SIPA1L1: variants seen among roughly 807,000 people sequenced by gnomAD.
The protein encoded by SIPA1L1 is signal induced proliferation associated 1 like 1.
Under a neutral mutation model 162.7 loss-of-function variants are expected in SIPA1L1, and 26 were observed. The ratio of observed to expected loss-of-function variants is 0.16; its 90% CI spans 0.12 to 0.22. The LOEUF is 0.22. Ranked by LOEUF, SIPA1L1 falls within the 10% of genes least tolerant of loss-of-function variation. The pLI is 1.00. For synonymous variants in SIPA1L1, 829 were observed against 837.4 expected (o/e 0.99, Z 0.17); for missense variants, 1,874 against 2,241.0 (o/e 0.84, Z 3.31).
intron 7 of SIPA1L1, among the ~76,000 whole-genome samples, chr14:71,636,155 G>C (rs2041126410): frequency 6.6e-6 from 1 of 152,144 alleles, no homozygotes; most frequent in Non-Finnish European, 1.5e-5. Flanking sequence ...AGGAAAACTA[G>C]ACAGAAAATC....
chr14:71,347,170 A>T (rs1439713325), intron 2 of SIPA1L1, among the ~76,000 whole-genome samples: 1 of 151,148 alleles, frequency 6.6e-6, no homozygotes, highest in Non-Finnish European at 1.5e-5. Flanking sequence ...CGCGTTGGCC[A>T]GGCTGGTCTT....
In SIPA1L1 at chr14:71,396,451, A is replaced by G. The variant is rs576125349; in HGVS notation, c.-465+75270A>G. ...CTAATTTTTATGCTCCTGGCCAACTATTGTCCCCTGTTTGTTCATTTACCC... is the reference window on the plus strand; with the variant it reads ...CTAATTTTTATGCTCCTGGCCAACTGTTGTCCCCTGTTTGTTCATTTACCC... On this transcript the variant is annotated intron_variant, in intron 2 of 23. Transcript: ENST00000381232. 4.6e-5 allele frequency among the ~76,000 whole-genome samples: 7 copies of G among 152,004 alleles called. No homozygotes were observed. The East Asian group carries it at 7.7e-4, about 17-fold the overall frequency.
At chr14:71,389,453 A>G (rs2040584468) in intron 2 of SIPA1L1, among the ~76,000 whole-genome samples, 3 of 152,196 alleles carry the variant, frequency 2.0e-5, no homozygotes, top group Non-Finnish European at 4.4e-5. Flanking sequence ...TCTTTTACTT[A>G]TATTTGAATT....
intron 2 of SIPA1L1, among the ~76,000 whole-genome samples, chr14:71,453,475 G>A (rs929627755): frequency 6.6e-6 from 1 of 152,104 alleles, no homozygotes; most frequent in African/African-American, 2.4e-5. Flanking sequence ...GTGCTGCCCA[G>A]GCTGCATCGT....
chr14:71,691,441 A>T (rs1479895603), intron 13 of SIPA1L1, among the ~76,000 whole-genome samples: 1 of 152,160 alleles, frequency 6.6e-6, no homozygotes, highest in Non-Finnish European at 1.5e-5. Context: ...AAAATAAAAA[A>T]AAATTAGCCA....
At chr14:71,554,356 G>A (rs1334521463) in intron 4 of SIPA1L1, among the ~76,000 whole-genome samples, 1 of 141,326 alleles carries the variant, frequency 7.1e-6, no homozygotes, top group African/African-American at 2.7e-5. Flanking sequence ...TTAAAATCGT[G>A]CAACTTAAAC....
intron 14 of SIPA1L1, among the ~76,000 whole-genome samples, chr14:71,700,854 T>C (rs958924775): frequency 6.0e-5 from 9 of 150,748 alleles, no homozygotes; most frequent in South Asian, 2.1e-4. Context: ...ATTAGCTGGG[T>C]GTGGTGGCGG....
rs865890345 is a variant in SIPA1L1, at chr14:71,502,259, T to A, written c.-464-10484T>A. 7.5e-3 allele frequency among the ~76,000 whole-genome samples: 952 copies of A among 127,068 alleles called. 6 individuals are homozygous for A. Among genetic ancestry groups the A allele is most frequent in the Non-Finnish European group, 0.011 (650 of 57,302 alleles). The allele number at this position is 127,068 out of a possible 152,430, so 83.4% of individuals were successfully genotyped here. A position where few individuals can be genotyped will look rare whatever the true frequency, so the allele number is the denominator to read the frequency against. On this transcript the variant is annotated intron_variant, in intron 2 of 23. Coordinates refer to ENST00000381232, the MANE Select transcript of SIPA1L1 (RefSeq NM_001386936.1). ...AGATACTTGAAAAAAAAAAAAAATA[T>A]ATATATATATATATATATATTTGAG... is the stretch of plus-strand genomic sequence containing the variant.
At chr14:71,696,891 T>G (rs1038217566) in intron 13 of SIPA1L1, among the ~76,000 whole-genome samples, 1 of 152,184 alleles carries the variant, frequency 6.6e-6, no homozygotes, top group Non-Finnish European at 1.5e-5. Flanking sequence ...TTTATGTGAG[T>G]AGCAAAGGAA....
chr14:71,708,274 G>T (rs1262037044), intron 16 of SIPA1L1, among the ~76,000 whole-genome samples: 1 of 149,164 alleles, frequency 6.7e-6, no homozygotes. Context: ...TTGATCATTT[G>T]TGAGTTTATT....
chr14:71,408,982 A>G (rs1055071309), intron 2 of SIPA1L1, among the ~76,000 whole-genome samples: 8 of 152,140 alleles, frequency 5.3e-5, no homozygotes, highest in Non-Finnish European at 7.3e-5. Context: ...CAGATCTTGT[A>G]TGTCGAGGAA....
At chr14:71,331,668 G>T (rs2034561104) in intron 2 of SIPA1L1, among the ~76,000 whole-genome samples, 1 of 152,182 alleles carries the variant, frequency 6.6e-6, no homozygotes, top group African/African-American at 2.4e-5. Flanking sequence ...GTGATTTAGA[G>T]AAATTATTAT....
intron 2 of SIPA1L1, among the ~76,000 whole-genome samples, chr14:71,443,642 T>G (rs1426437113): frequency 1.3e-5 from 2 of 152,214 alleles, no homozygotes; most frequent in African/African-American, 4.8e-5. Context: ...GAATTATTTT[T>G]CATGATGGTA....
In SIPA1L1 at chr14:71,618,686, C is replaced by G. The variant is rs1044621466; in HGVS notation, c.1499-71C>G. The G allele has an allele frequency of 2.2e-6, 3 of 1,394,958 alleles. No homozygotes were observed. The African/African-American group carries it at 4.3e-5, about 20-fold the overall frequency. 86.4% of individuals were successfully genotyped at this position (1,394,958 alleles called of 1,614,324 possible). A position where few individuals can be genotyped will look rare whatever the true frequency, so the allele number is the denominator to read the frequency against. ...AATTTCTGAGTGACAACCTTAAATA[C>G]TGAGCAGAATGTAACATTTTCAAAG... is the stretch of plus-strand genomic sequence containing the variant. On this transcript the variant is annotated intron_variant, in intron 5 of 23. Coordinates refer to ENST00000381232, the MANE Select transcript of SIPA1L1 (RefSeq NM_001386936.1).
intron 10 of SIPA1L1, among the ~76,000 whole-genome samples, chr14:71,663,235 A>T (rs2043697506): frequency 6.6e-6 from 1 of 152,186 alleles, no homozygotes; most frequent in Non-Finnish European, 1.5e-5. Context: ...ATGAATTAAC[A>T]TGTGATTTCA....
intron 2 of SIPA1L1, among the ~76,000 whole-genome samples, chr14:71,352,403 A>AC (rs1021304294): frequency 1.3e-5 from 2 of 151,812 alleles, no homozygotes; most frequent in African/African-American, 2.4e-5. Flanking sequence ...AGGTCTGGTT[A>AC]CCCCCCCTCC....
chr14:71,680,105 A>G lies in SIPA1L1; in HGVS notation c.3105-5257A>G. Among the ~76,000 whole-genome samples the G allele has an allele frequency of 1.3e-5, 2 of 152,202 alleles. 1 individual carries two copies. Among genetic ancestry groups the G allele is most frequent in the Non-Finnish European group, 2.9e-5 (2 of 68,028 alleles). The stretch of plus-strand genomic sequence containing the variant: ...TAGACATCTACAGAACTCTTCACCC[A>G]AAATCAACAGAATATACATTCTTCT... On this transcript the variant is annotated intron_variant, in intron 12 of 23. Coordinates refer to ENST00000381232, the MANE Select transcript of SIPA1L1 (RefSeq NM_001386936.1).
intron 5 of SIPA1L1, among the ~76,000 whole-genome samples, chr14:71,608,081 C>T (rs2037742901): frequency 6.6e-6 from 1 of 152,168 alleles, no homozygotes. Context: ...ATGGAGCTCC[C>T]TCCTCTGTAT....
Position 71,702,490 on chromosome 14 carries a change from A to G in SIPA1L1, c.3631A>G (p.Ile1211Val). 5 of 1,614,198 alleles carry G rather than the reference A, an allele frequency of 3.1e-6. No homozygotes were observed. Among genetic ancestry groups the G allele is most frequent in the East Asian group, 2.2e-5 (1 of 44,888 alleles). Residue 1211 changes from isoleucine to valine, a missense_variant, in exon 15 of 24, where the codon ATT becomes GTT. This residue lies in a region of SIPA1L1 where 936 missense variants were observed against 1,051.9 expected (regional missense o/e 0.89). Coordinates refer to ENST00000381232, the MANE Select transcript of SIPA1L1 (RefSeq NM_001386936.1). ...TAGCTGGCAAAGAAGTGAGGATAGC[A>G]TTGCTGACCAGATGGGTAAGTAATC... ...TPSWQRSEDS[I>V]ADQMEPTCHL... is the part of the protein sequence containing the mutation.
Sources: gnomAD v4.1 joint callset for allele counts (sites outside exome capture counted in the v4.1 genomes callset) on GRCh38, gnomAD v4.1.1 for gene constraint, gnomAD v4.1.1 regional missense constraint, MANE v1.5 for transcripts, NCBI Gene and HGNC (gene_info 2026-07-23, HGNC 2026-07-21) for gene names.